The following ANK3 variants were observed in gnomAD, a reference collection of about 807,000 sequenced individuals.
ANK3 encodes the protein ankyrin-3.
Under a neutral mutation model 370.9 loss-of-function variants are expected in ANK3, and 57 were observed. That is an observed-to-expected ratio of 0.15 (90% CI 0.12 to 0.19). ANK3 has a LOEUF of 0.19. Among genes scored for constraint, ANK3 ranks in the 10% least tolerant of loss-of-function variants. ANK3 has a pLI of 1.00. For synonymous variants in ANK3, 1,929 were observed against 1,946.3 expected (o/e 0.99, Z 0.23); for missense variants, 4,439 against 5,302.1 (o/e 0.84, Z 5.06).
intron 1 of ANK3, among the ~76,000 whole-genome samples, chr10:60,730,169 G>T (rs1266354134): frequency 6.6e-6 from 1 of 151,920 alleles, no homozygotes; most frequent in African/African-American, 2.4e-5. Flanking sequence ...TTGAGACAGG[G>T]TCTCACTCCA....
At chr10:60,386,299 C>T (rs978966047) in intron 1 of ANK3, among the ~76,000 whole-genome samples, 2 of 151,634 alleles carry the variant, frequency 1.3e-5, no homozygotes, top group African/African-American at 4.8e-5. Flanking sequence ...GAAAGTATGG[C>T]TAAGGGGCAT....
chr10:60,217,117 T>G (rs773977018), intron 8 of ANK3, among the ~76,000 whole-genome samples: 15 of 152,186 alleles, frequency 9.9e-5, no homozygotes, highest in Non-Finnish European at 2.1e-4. Context: ...TGATATCCCC[T>G]TTGTCATTTT....
intron 9 of ANK3, among the ~76,000 whole-genome samples, chr10:60,210,158 G>T (rs2096830203): frequency 6.6e-6 from 1 of 152,166 alleles, no homozygotes; most frequent in Non-Finnish European, 1.5e-5. Context: ...ATGAAAATAG[G>T]TGCTTGTGGG....
chr10:60,044,724 C>T (rs573438062), intron 42 of ANK3: 3 of 152,278 alleles, frequency 2.0e-5, no homozygotes, highest in African/African-American at 7.2e-5. Context: ...ATTAGTTCTA[C>T]CGAATCTCTA....
In ANK3 at chr10:60,288,664, G is replaced by A. The variant is rs567640007; in HGVS notation, c.115-9025C>T. On this transcript the variant is annotated intron_variant, in intron 1 of 43. Transcript: ENST00000280772. ...CTGGGACGGGGGAGTAGGCGAAAAG[G>A]ACAGGTTCAGGAGAGGTTTGGAACA... Among the ~76,000 whole-genome samples, 187 of 152,290 alleles carry A rather than the reference G, an allele frequency of 1.2e-3. 6 individuals carry two copies. The South Asian group carries it at 0.037, about 30-fold the overall frequency.
At chr10:60,672,491 A>G (rs57665693) in intron 1 of ANK3, among the ~76,000 whole-genome samples, 7,991 of 152,286 alleles carry the variant, frequency 0.052, 294 homozygotes, top group African/African-American at 0.088. Flanking sequence ...TACAGGGTTT[A>G]GGGAGCTTTC....
At chr10:60,643,661 G>A (rs146356634) in intron 1 of ANK3, among the ~76,000 whole-genome samples, 6 of 151,954 alleles carry the variant, frequency 3.9e-5, no homozygotes, top group Non-Finnish European at 5.9e-5. Context: ...GACTACAACC[G>A]CTGCCACAGT....
intron 2 of ANK3, among the ~76,000 whole-genome samples, chr10:60,596,188 G>T (rs1332725292): frequency 6.6e-6 from 1 of 152,034 alleles, no homozygotes; most frequent in African/African-American, 2.4e-5. Context: ...TGTCAGTTTT[G>T]CACATGTGAA....
At chr10:60,726,827 A>C (rs887863452) in intron 1 of ANK3, among the ~76,000 whole-genome samples, 1 of 152,028 alleles carries the variant, frequency 6.6e-6, no homozygotes, top group African/African-American at 2.4e-5. Context: ...GTTTTTAAAA[A>C]CTTGTTTTCC....
chr10:60,061,333 C>T (rs943051120), intron 40 of ANK3, among the ~76,000 whole-genome samples: 2 of 152,110 alleles, frequency 1.3e-5, no homozygotes, highest in African/African-American at 2.4e-5. Flanking sequence ...TATTAAGATA[C>T]AGCAACAAAA....
intron 30 of ANK3, chr10:60,086,455 T>C (rs2086696669): frequency 7.0e-6 from 3 of 431,152 alleles, no homozygotes; most frequent in Non-Finnish European, 1.2e-5. Context: ...TCACTAAATT[T>C]TAAATGAGTC....
intron 2 of ANK3, among the ~76,000 whole-genome samples, chr10:60,471,658 T>G (rs1253628294): frequency 6.6e-6 from 1 of 152,056 alleles, no homozygotes; most frequent in Non-Finnish European, 1.5e-5. Context: ...AATTGAAAAA[T>G]ATTGCCAAAT....
rs1024506337 is a variant in ANK3, at chr10:60,436,821, A to AT, written c.97-157183dup. Among the ~76,000 whole-genome samples, 7 of 152,106 alleles carry AT rather than the reference A, an allele frequency of 4.6e-5. No individual in the cohort carries two copies. In the South Asian group the frequency reaches 1.4e-3, roughly 32 times the overall value. ...TTTTTTATTTTGAAAAGTATAATCTATTTTTTTCTCTGGTTGCACACGGTG... is the reference window on the plus strand; with the variant it reads ...TTTTTTATTTTGAAAAGTATAATCTATTTTTTTTCTCTGGTTGCACACGGTG... On this transcript the variant is annotated intron_variant, in intron 2 of 43. Coordinates refer to the ANK3 transcript ENST00000373827.
chr10:60,635,975 A>G (rs2078549753), intron 1 of ANK3, among the ~76,000 whole-genome samples: 1 of 152,190 alleles, frequency 6.6e-6, no homozygotes, highest in South Asian at 2.1e-4. Flanking sequence ...TATTTTAACT[A>G]TATTCATAGT....
At chr10:60,486,625 G>T (rs547301828) in intron 2 of ANK3, among the ~76,000 whole-genome samples, 3 of 152,170 alleles carry the variant, frequency 2.0e-5, no homozygotes, top group South Asian at 4.2e-4. Flanking sequence ...CAAAATTGTG[G>T]TCACATTTTA....
intron 1 of ANK3, among the ~76,000 whole-genome samples, chr10:60,281,818 A>G (rs1031002016): frequency 6.6e-6 from 1 of 152,204 alleles, no homozygotes; most frequent in African/African-American, 2.4e-5. Flanking sequence ...GTCTGAGAGC[A>G]CACACAGCTA....
chr10:60,702,086 C>G (rs766081148), intron 1 of ANK3, among the ~76,000 whole-genome samples: 2 of 151,988 alleles, frequency 1.3e-5, no homozygotes, highest in Non-Finnish European at 2.9e-5. Context: ...TAGTGAGTCT[C>G]CATCTCTACA....
At chr10:60,554,741 C>T (rs2077169747) in intron 2 of ANK3, among the ~76,000 whole-genome samples, 1 of 152,082 alleles carries the variant, frequency 6.6e-6, no homozygotes, top group African/African-American at 2.4e-5. Context: ...AACCTAAAAA[C>T]AAATTTAATT....
Position 60,389,842 on chromosome 10 carries a change from C to T in ANK3, c.-304G>A, listed in dbSNP as rs550164728. 587 of 1,104,168 alleles carry T rather than the reference C, an allele frequency of 5.3e-4. No individual in the cohort carries two copies. The highest frequency in any genetic ancestry group is 6.3e-4 in the Non-Finnish European group (571 of 906,306). The allele number at this position is 1,104,168 out of a possible 1,614,324, so 68.4% of individuals were successfully genotyped here. On this transcript the variant is annotated 5_prime_UTR_variant, in exon 1 of 44. Coordinates refer to ENST00000280772, the MANE Select transcript of ANK3 (RefSeq NM_020987.5). ...TGGGACAGAGGAAGCTGTATTATGG[C>T]TGTATCCCCTGCCACCAGCTGGAAG...
Sources: gnomAD v4.1 joint callset for allele counts (sites outside exome capture counted in the v4.1 genomes callset) on GRCh38, gnomAD v4.1.1 for gene constraint, MANE v1.5 for transcripts, NCBI Gene and HGNC (gene_info 2026-07-23, HGNC 2026-07-21) for gene names.